Variants in MALRD1 observed in about 807,000 individuals in gnomAD.
MALRD1 encodes MAM and LDL-receptor class A domain-containing protein 1.
A neutral mutation model predicts 242.1 loss-of-function variants in MALRD1; 247 were observed. The observed-to-expected ratio is 1.02, with a 90% CI of 0.92 to 1.13. The LOEUF is 1.13. Ranked by LOEUF, MALRD1 falls within the 50% of genes most tolerant of loss-of-function variation. The pLI is 0.00. For missense variants in MALRD1, 2,989 were observed against 2,533.1 expected, an observed-to-expected ratio of 1.18 and a Z score of -3.86; for synonymous variants, 995 against 866.6, an observed-to-expected ratio of 1.15 and a Z score of -2.60.
At chr10:19,664,074 G>T (rs193300921) in intron 36 of MALRD1, among the ~76,000 whole-genome samples, 22 of 151,924 alleles carry the variant, frequency 1.4e-4, no homozygotes, top group Admixed American at 1.2e-3. Flanking sequence ...TGAACAATTT[G>T]CCTTCTCTTC....
chr10:19,384,408 TATATA>T (rs1370713019), intron 26 of MALRD1, among the ~76,000 whole-genome samples: 3 of 70,684 alleles, frequency 4.2e-5, no homozygotes, highest in South Asian at 6.5e-4. Flanking sequence ...TTATATAGTA[TATATA>T]ATATAATATT....
rs1277688092 is a variant in MALRD1 at position 19,666,032 on chromosome 10, C to G, written c.6138-26250C>G. The stretch of plus-strand genomic sequence containing the variant: ...CAAACGCAGGAGGGAGATAGGTGTC[C>G]TCTTCATCCCTCCTTGCTTCCCCCA... On this transcript the variant is annotated intron_variant, in intron 36 of 39. Transcript: ENST00000454679. Among the ~76,000 whole-genome samples the G allele has an allele frequency of 1.2e-4, 18 of 152,142 alleles. 1 individual carries two copies. Among genetic ancestry groups the G allele is most frequent in the Admixed American group, 1.2e-3 (18 of 15,282 alleles).
chr10:19,385,699 C>T (rs1846044988), intron 26 of MALRD1, among the ~76,000 whole-genome samples: 1 of 151,910 alleles, frequency 6.6e-6, no homozygotes, highest in African/African-American at 2.4e-5. Flanking sequence ...ATTTTATTGA[C>T]ATTCTCTATG....
intron 26 of MALRD1, among the ~76,000 whole-genome samples, chr10:19,382,360 G>A (rs1588995268): frequency 5.6e-5 from 1 of 17,860 alleles, no homozygotes; most frequent in East Asian, 6.1e-4. Context: ...GTGTGTATGT[G>A]TGAGTGTGTG....
intron 5 of MALRD1, among the ~76,000 whole-genome samples, chr10:19,114,123 C>G (rs974851209): frequency 2.0e-5 from 3 of 152,146 alleles, no homozygotes; most frequent in African/African-American, 4.8e-5. Context: ...ACAGTACTTA[C>G]ATTTGTGCTA....
At chr10:19,101,769 A>G (rs978647827) in intron 4 of MALRD1, among the ~76,000 whole-genome samples, 15 of 135,972 alleles carry the variant, frequency 1.1e-4, no homozygotes, top group African/African-American at 3.7e-4. Context: ...TAATATGTAT[A>G]TTATATTATT....
intron 1 of MALRD1, among the ~76,000 whole-genome samples, chr10:19,055,386 C>A (rs576546868): frequency 6.6e-6 from 1 of 152,222 alleles, no homozygotes; most frequent in South Asian, 2.1e-4. Context: ...CTTTGCTGTG[C>A]AGAAGCTTTT....
intron 20 of MALRD1, 97 bp from the exon 21 acceptor site, chr10:19,282,922 A>C (rs565678673): frequency 1.2e-6 from 1 of 831,816 alleles, no homozygotes; most frequent in African/African-American, 1.8e-5. Context: ...AAGTTACATT[A>C]GAATTAAAAA....
chr10:19,318,095 G>T (rs1842776045), intron 21 of MALRD1, among the ~76,000 whole-genome samples: 1 of 151,966 alleles, frequency 6.6e-6, no homozygotes, highest in South Asian at 2.1e-4. Flanking sequence ...TGTTAGCTGT[G>T]GTCATTACTG....
chr10:19,545,016 G>A (rs970403379), intron 32 of MALRD1, among the ~76,000 whole-genome samples: 1 of 152,214 alleles, frequency 6.6e-6, no homozygotes, highest in South Asian at 2.1e-4. Flanking sequence ...CAATAGAAAT[G>A]TATTTCCTTA....
chr10:19,227,890 A>T (rs1837869128), intron 18 of MALRD1, among the ~76,000 whole-genome samples: 1 of 152,184 alleles, frequency 6.6e-6, no homozygotes, highest in Non-Finnish European at 1.5e-5. Context: ...GTCATCAGGG[A>T]AATGCAAGTT....
chr10:19,171,475 C>T (rs1186593368), intron 13 of MALRD1, among the ~76,000 whole-genome samples: 20 of 141,012 alleles, frequency 1.4e-4, no homozygotes, highest in African/African-American at 4.1e-4. Context: ...TGTATATACA[C>T]ACACACATAT....
intron 36 of MALRD1, among the ~76,000 whole-genome samples, chr10:19,661,534 G>C (rs1018425217): frequency 6.6e-6 from 1 of 152,038 alleles, no homozygotes; most frequent in African/African-American, 2.4e-5. Flanking sequence ...CTGTCACAAG[G>C]ACAAAAAACC....
At chr10:19,481,002 T>A (rs1214159359) in intron 29 of MALRD1, among the ~76,000 whole-genome samples, 2 of 152,146 alleles carry the variant, frequency 1.3e-5, no homozygotes, top group African/African-American at 4.8e-5. Flanking sequence ...AAAATGAGTT[T>A]CATGTCAGAA....
chr10:19,562,070 G>C (rs1395464183), intron 32 of MALRD1, among the ~76,000 whole-genome samples: 1 of 152,134 alleles, frequency 6.6e-6, no homozygotes, highest in Non-Finnish European at 1.5e-5. Context: ...GGCCAAGGTG[G>C]GTGGATCACA....
chr10:19,238,424 A>G (rs1451373558), intron 18 of MALRD1, among the ~76,000 whole-genome samples: 4 of 75,206 alleles, frequency 5.3e-5, no homozygotes, highest in African/African-American at 2.4e-4. Flanking sequence ...TATAATATAC[A>G]TTATATATAA....
At chr10:19,502,471 A>G (rs2131260662) in intron 31 of MALRD1, among the ~76,000 whole-genome samples, 1 of 152,262 alleles carries the variant, frequency 6.6e-6, no homozygotes, top group African/African-American at 2.4e-5. Context: ...ATAGTTTTAT[A>G]GTATTTTACT....
chr10:19,133,634 G>T (rs2131405111), intron 8 of MALRD1, among the ~76,000 whole-genome samples: 1 of 152,092 alleles, frequency 6.6e-6, no homozygotes, highest in Non-Finnish European at 1.5e-5. Context: ...TCCTAATACT[G>T]TTTATCTGCA....
At chr10:19,362,899 G>T (rs1442993223) in intron 26 of MALRD1, among the ~76,000 whole-genome samples, 1 of 152,054 alleles carries the variant, frequency 6.6e-6, no homozygotes, top group East Asian at 1.9e-4. Context: ...GTGGTTAAGT[G>T]AAAGACTAGA....
Sources: allele counts gnomAD v4.1 joint callset (sites outside exome capture counted in the v4.1 genomes callset), GRCh38; gene constraint gnomAD v4.1.1; transcripts MANE v1.5; gene names NCBI Gene and HGNC (gene_info 2026-07-23, HGNC 2026-07-21).